ITSN2: variants seen among roughly 807,000 people sequenced by gnomAD.
ITSN2 encodes the protein intersectin 2, also known as intersectin-2.
In ITSN2, 156 loss-of-function variants were observed where a neutral mutation model predicts 243.7. That is an observed-to-expected ratio of 0.64 (90% CI 0.56 to 0.73). The LOEUF is 0.73. ITSN2 is among the 30% of genes least tolerant of loss of function. ITSN2 has a pLI of 0.00. For missense variants in ITSN2, 1,801 were observed against 1,996.1 expected (o/e 0.90, Z 1.86); for synonymous variants, 703 against 699.9 (o/e 1.00, Z -0.07).
At chr2:24,274,275 CAG>C (rs1677744697) in intron 18 of ITSN2, among the ~76,000 whole-genome samples, 2 of 152,076 alleles carry the variant, frequency 1.3e-5, no homozygotes, top group South Asian at 2.1e-4. Context: ...GCCACAAAAA[CAG>C]GGGTCTAGAT....
chr2:24,357,808 T>A (rs375199089), intron 1 of ITSN2, among the ~76,000 whole-genome samples: 1 of 152,258 alleles, frequency 6.6e-6, no homozygotes, highest in Non-Finnish European at 1.5e-5. Context: ...TTAATATAAA[T>A]GTTTTACAAG....
chr2:24,234,278 G>GA (rs56253321), intron 29 of ITSN2, among the ~76,000 whole-genome samples: 91,827 of 145,272 alleles, frequency 0.63, 28,942 homozygotes, highest in East Asian at 0.77. Flanking sequence ...ATCCAAATGC[G>GA]AAAAAAAAAA....
At chr2:24,317,345 T>C (rs1397007324) in intron 2 of ITSN2, among the ~76,000 whole-genome samples, 2 of 147,280 alleles carry the variant, frequency 1.4e-5, no homozygotes, top group African/African-American at 2.5e-5. Context: ...GATCACGCCA[T>C]AGCACTCCAG....
chr2:24,285,922 T>A (rs567148043), intron 16 of ITSN2, among the ~76,000 whole-genome samples: 17 of 152,300 alleles, frequency 1.1e-4, no homozygotes, highest in Non-Finnish European at 2.1e-4. Context: ...TGAGATCAGT[T>A]CTGTAATACT....
chr2:24,234,503 C>T (rs1239864719), intron 29 of ITSN2, among the ~76,000 whole-genome samples: 3 of 152,064 alleles, frequency 2.0e-5, no homozygotes, highest in African/African-American at 7.2e-5. Context: ...ATAAGCTGGA[C>T]TTCATTAAAT....
rs537459949 is a variant in ITSN2, at chr2:24,231,292, T to C, written c.3578-10226A>G. Among the ~76,000 whole-genome samples, 3 of 152,284 alleles carry C rather than the reference T, an allele frequency of 2.0e-5. No homozygotes were observed. In the East Asian group the frequency reaches 5.8e-4, roughly 29 times the overall value. ...ATGGCAGAAATTTTTGTCTTATAAT[T>C]TGCCACATCCCCAGTGTCTGACACA... On this transcript the variant is annotated intron_variant, in intron 29 of 39. Coordinates refer to ENST00000355123, the MANE Select transcript of ITSN2 (RefSeq NM_006277.3).
chr2:24,355,931 A>G (rs9751134), intron 1 of ITSN2, among the ~76,000 whole-genome samples: 148,972 of 152,140 alleles, frequency 0.98, 72,935 homozygotes, highest in East Asian at 0.99. Context: ...GGCCAGGCAT[A>G]GTGGCTCACA....
At chr2:24,230,873 C>T (rs1249077759) in intron 29 of ITSN2, among the ~76,000 whole-genome samples, 2 of 152,072 alleles carry the variant, frequency 1.3e-5, no homozygotes, top group East Asian at 3.9e-4. Context: ...CCTAAACAAC[C>T]TCCTTCATTT....
In ITSN2 at chr2:24,258,447, A is replaced by G. The variant is rs190168492; in HGVS notation, c.2683-354T>C. 3.3e-5 allele frequency among the ~76,000 whole-genome samples: 5 copies of G among 152,286 alleles called. No individual in the cohort carries two copies. The East Asian group carries it at 9.6e-4, about 29-fold the overall frequency. ...AATCTTTTTTCTCTTCCAGCTTGCA[A>G]TGTAATTCTGTTTACTCCACTAGGG... is the stretch of plus-strand genomic sequence containing the variant. On this transcript the variant is annotated intron_variant, in intron 22 of 39. Coordinates refer to ENST00000355123, the MANE Select transcript of ITSN2 (RefSeq NM_006277.3).
At chr2:24,307,363 AAAGT>A (rs1682687865) in intron 8 of ITSN2, among the ~76,000 whole-genome samples, 1 of 152,190 alleles carries the variant, frequency 6.6e-6, no homozygotes, top group Non-Finnish European at 1.5e-5. Context: ...TAAAAAAAAA[AAAGT>A]GTCAAAAAAG....
intron 10 of ITSN2, among the ~76,000 whole-genome samples, chr2:24,301,690 T>A (rs1341800632): frequency 1.3e-5 from 2 of 151,982 alleles, no homozygotes; most frequent in African/African-American, 4.8e-5. Flanking sequence ...CACACCTGGC[T>A]AATTATTTTT....
chr2:24,356,420 A>C (rs1204957986), intron 1 of ITSN2, among the ~76,000 whole-genome samples: 1 of 151,230 alleles, frequency 6.6e-6, no homozygotes, highest in Non-Finnish European at 1.5e-5. Context: ...ACGGGAGAAA[A>C]TTTTTGCAAT....
chr2:24,204,326 TA>T lies in ITSN2; in HGVS notation c.4854del (p.Phe1618LeufsTer51), dbSNP rs1558416690. 6.2e-7 allele frequency: 1 copy of T among 1,614,024 alleles called. No homozygotes were observed. Among genetic ancestry groups the T allele is most frequent in the African/African-American group, 1.3e-5 (1 of 74,934 alleles). On this transcript the variant is annotated frameshift_variant, in exon 39 of 40. Coordinates refer to ENST00000355123, the MANE Select transcript of ITSN2 (RefSeq NM_006277.3). LOFTEE classifies it high-confidence loss of function. The surrounding 1 kb of genome is among the most constrained non-coding windows in gnomAD (Gnocchi z 5.1). ...AGATCCTTAATAAAGAACTGGCAGT[TA>T]AAATTCCACTTGGGATTGAGTGTGT... ...IQDTLNPKWN[F>X]NCQFFIKDLY...
At position 24,322,218 on chromosome 2, in the gene ITSN2, C is replaced by A. The variant is rs2151809008; in HGVS notation, c.31+5834G>T. On this transcript the variant is annotated intron_variant, in intron 2 of 39. Coordinates refer to ENST00000355123, the MANE Select transcript of ITSN2 (RefSeq NM_006277.3). ...CCTGTGTCAGGTACTTTTCTAAGAG[C>A]TTTACATGTATTGCTTCAAGTAAGT... 2.6e-5 allele frequency among the ~76,000 whole-genome samples: 4 copies of A among 152,278 alleles called. 1 individual carries two copies. Among genetic ancestry groups the A allele is most frequent in the Admixed American group, 2.6e-4 (4 of 15,288 alleles).
intron 1 of ITSN2, chr2:24,330,652 A>C: frequency 1.4e-6 from 1 of 736,964 alleles, no homozygotes; most frequent in Admixed American, 1.7e-5. Context: ...CAGAAAGCTG[A>C]AAGTGCTGGA....
At chr2:24,326,181 C>A (rs999994886) in intron 2 of ITSN2, among the ~76,000 whole-genome samples, 1 of 152,112 alleles carries the variant, frequency 6.6e-6, no homozygotes, top group African/African-American at 2.4e-5. Flanking sequence ...GCAATTAATT[C>A]TTCAGAAGTT....
At chr2:24,252,275 T>C (rs1674442348) in intron 25 of ITSN2, 70 bp downstream of exon 25, 7 of 1,142,994 alleles carry the variant, frequency 6.1e-6, no homozygotes, top group Non-Finnish European at 8.9e-6. Flanking sequence ...GTTGATTTTA[T>C]TTTTAATACC....
chr2:24,221,221 T>A, intron 29 of ITSN2, 155 bp from the exon 30 acceptor site: 1 of 712,482 alleles, frequency 1.4e-6, no homozygotes, highest in Non-Finnish European at 2.2e-6. Flanking sequence ...GCAGCATGCG[T>A]ACGCGGAGAG....
At chr2:24,325,904 T>C (rs1470964957) in intron 2 of ITSN2, among the ~76,000 whole-genome samples, 2 of 151,860 alleles carry the variant, frequency 1.3e-5, no homozygotes, top group Non-Finnish European at 2.9e-5. Context: ...CTCATCTCGG[T>C]TTTTACACAC....
Sources: gnomAD v4.1 joint callset for allele counts (sites outside exome capture counted in the v4.1 genomes callset) on GRCh38, gnomAD v4.1.1 for gene constraint, Gnocchi (gnomAD v3.1) non-coding constraint, MANE v1.5 for transcripts, NCBI Gene and HGNC (gene_info 2026-07-23, HGNC 2026-07-21) for gene names.